Variants in INTS14 observed in about 807,000 individuals in gnomAD.
INTS14 encodes the protein integrator complex subunit 14, also known as UPF0464 protein C15orf44.
In INTS14, 27 loss-of-function variants were observed where a neutral mutation model predicts 56.9. The observed-to-expected ratio is 0.47, with a 90% CI of 0.35 to 0.65. The LOEUF (loss-of-function observed/expected upper bound fraction) is 0.65, where lower values mean the gene tolerates loss of function less well. INTS14 is among the 30% of genes least tolerant of loss of function. The pLI is 0.00. For missense variants in INTS14, 517 were observed against 632.2 expected (o/e 0.82, Z 1.95); for synonymous variants, 207 against 236.2 (o/e 0.88, Z 1.13).
intron 11 of INTS14, 129 bp from the exon 12 acceptor site, chr15:65,579,788 T>G: frequency 3.7e-6 from 5 of 1,338,458 alleles, no homozygotes; most frequent in Non-Finnish European, 5.0e-6. Context: ...GAACAAATGT[T>G]TATTTAGGGA....
chr15:65,597,081 G>C (rs1245987527), intron 6 of INTS14, among the ~76,000 whole-genome samples: 1 of 152,196 alleles, frequency 6.6e-6, no homozygotes, highest in African/African-American at 2.4e-5. Context: ...CATCGAAAAA[G>C]GATGGGAAGG....
At chr15:65,603,576 G>C (rs931761881) in intron 3 of INTS14, among the ~76,000 whole-genome samples, 1 of 151,736 alleles carries the variant, frequency 6.6e-6, no homozygotes, top group African/African-American at 2.4e-5. Flanking sequence ...CTCACAAAGT[G>C]CTAGGATTAT....
At position 65,579,263 on chromosome 15, in the gene INTS14, T is replaced by C. The variant is rs1175396938; in HGVS notation, c.*145A>G. On this transcript the variant is annotated 3_prime_UTR_variant, in exon 12 of 12. Transcript: ENST00000313182. ...TCACATCCTTCTCATACTAGTAGAG[T>C]CATTCAAAACAGCAAGTGGTGCTTC... is the stretch of plus-strand genomic sequence containing the variant. 1.8e-6 allele frequency: 2 copies of C among 1,119,908 alleles called. No homozygotes were observed. Among genetic ancestry groups the C allele is most frequent in the East Asian group, 2.5e-5 (1 of 40,694 alleles). The allele number at this position is 1,119,908 out of a possible 1,614,324, so 69.4% of individuals were successfully genotyped here. A position where few individuals can be genotyped will look rare whatever the true frequency, so the allele number is the denominator to read the frequency against.
chr15:65,607,678 G>GA (rs986839336), intron 1 of INTS14, among the ~76,000 whole-genome samples: 57 of 146,292 alleles, frequency 3.9e-4, no homozygotes, highest in Non-Finnish European at 5.7e-4. Flanking sequence ...ATATCTACTG[G>GA]AAAAAAAAAA....
intron 9 of INTS14, among the ~76,000 whole-genome samples, chr15:65,587,194 A>C (rs78232706): frequency 0.062 from 9,489 of 152,252 alleles, 307 homozygotes; most frequent in African/African-American, 0.09. Context: ...AAGATTTCAA[A>C]ATATTTACTT....
intron 6 of INTS14, among the ~76,000 whole-genome samples, chr15:65,598,066 T>C (rs1192029132): frequency 6.6e-6 from 1 of 152,180 alleles, no homozygotes; most frequent in East Asian, 1.9e-4. Flanking sequence ...TCAAAGGAAA[T>C]GCTCACTGGA....
intron 1 of INTS14, chr15:65,610,795 C>CAT: frequency 1.3e-6 from 2 of 1,535,430 alleles, no homozygotes; most frequent in Non-Finnish European, 1.7e-6. Flanking sequence ...TGTATTTTTA[C>CAT]CTTAAAAATC....
chr15:65,609,853 T>C (rs1285544760), intron 1 of INTS14, among the ~76,000 whole-genome samples: 1 of 152,100 alleles, frequency 6.6e-6, no homozygotes, highest in Non-Finnish European at 1.5e-5. Context: ...TTTCAGCCCG[T>C]GAAATCTGCT....
intron 9 of INTS14, among the ~76,000 whole-genome samples, chr15:65,589,382 T>G (rs1162313291): frequency 6.6e-6 from 1 of 152,218 alleles, no homozygotes; most frequent in East Asian, 1.9e-4. Context: ...GGTCTCAAAC[T>G]CCTGGACTCA....
At chr15:65,607,529 A>G (rs952771767) in intron 1 of INTS14, 87 bp from the exon 2 acceptor site, 8 of 1,398,116 alleles carry the variant, frequency 5.7e-6, no homozygotes, top group Non-Finnish European at 7.6e-6. Context: ...AGAAATTAGC[A>G]GAGGCAAACA....
intron 1 of INTS14, 174 bp downstream of exon 1, chr15:65,610,924 G>C: frequency 6.8e-7 from 1 of 1,464,480 alleles, no homozygotes; most frequent in South Asian, 1.4e-5. Context: ...TCAGAGCGAG[G>C]GGAGGCCGGG....
intron 10 of INTS14, among the ~76,000 whole-genome samples, chr15:65,583,811 C>G (rs1425550854): frequency 6.6e-6 from 1 of 152,166 alleles, no homozygotes; most frequent in Non-Finnish European, 1.5e-5. Flanking sequence ...ATCCCTCTGA[C>G]AAGGAAGCAC....
At chr15:65,583,256 T>C (rs1285986067) in intron 10 of INTS14, among the ~76,000 whole-genome samples, 1 of 152,146 alleles carries the variant, frequency 6.6e-6, no homozygotes, top group African/African-American at 2.4e-5. Context: ...TGTAACAGCA[T>C]TATCCACAAT....
intron 7 of INTS14, 147 bp from the exon 8 acceptor site, chr15:65,593,719 T>G: frequency 5.2e-6 from 5 of 957,368 alleles, no homozygotes. Context: ...CTCATTCCAG[T>G]TTTCCAATAT....
chr15:65,607,505 TTAAC>T, intron 1 of INTS14, 63 bp from the exon 2 acceptor site: 1 of 1,485,740 alleles, frequency 6.7e-7, no homozygotes, highest in Admixed American at 2.2e-5. Context: ...CACCATAACT[TTAAC>T]TAACTTCTCA....
chr15:65,589,832 T>C (rs1684496788), intron 9 of INTS14, among the ~76,000 whole-genome samples: 1 of 152,220 alleles, frequency 6.6e-6, no homozygotes, highest in Non-Finnish European at 1.5e-5. Flanking sequence ...TAACTATTTA[T>C]GATAGGCTTA....
At chr15:65,595,242 G>C (rs1008877009) in intron 7 of INTS14, among the ~76,000 whole-genome samples, 1 of 152,168 alleles carries the variant, frequency 6.6e-6, no homozygotes, top group Non-Finnish European at 1.5e-5. Flanking sequence ...AGTTCCTAGA[G>C]ATATATGCTG....
intron 6 of INTS14, 82 bp downstream of exon 6, chr15:65,598,239 C>A: frequency 7.2e-7 from 1 of 1,391,850 alleles, no homozygotes; most frequent in Non-Finnish European, 1.0e-6. Context: ...CCTTCCTAGA[C>A]AGAGAAGAGA....
At chr15:65,600,454 C>A (rs535253713) in intron 3 of INTS14, among the ~76,000 whole-genome samples, 45 of 151,990 alleles carry the variant, frequency 3.0e-4, no homozygotes, top group Non-Finnish European at 4.4e-4. Flanking sequence ...CATGGTGAAA[C>A]CCTGCCTCTA....
Sources: gnomAD v4.1 joint callset for allele counts (sites outside exome capture counted in the v4.1 genomes callset) on GRCh38, gnomAD v4.1.1 for gene constraint, MANE v1.5 for transcripts, NCBI Gene and HGNC (gene_info 2026-07-23, HGNC 2026-07-21) for gene names.